Variants in PTPRD observed in about 807,000 individuals in gnomAD.
PTPRD encodes the protein receptor-type tyrosine-protein phosphatase delta.
Under a neutral mutation model 214.5 loss-of-function variants are expected in PTPRD, and 34 were observed. That is an observed-to-expected ratio of 0.16 (90% CI 0.12 to 0.21). The LOEUF (loss-of-function observed/expected upper bound fraction) is 0.21, where lower values mean the gene tolerates loss of function less well. Ranked by LOEUF, PTPRD falls within the 10% of genes least tolerant of loss-of-function variation. The pLI, the probability that PTPRD is intolerant of heterozygous loss-of-function variation, is 1.00. For missense variants in PTPRD, 2,545 were observed against 2,398.7 expected, an observed-to-expected ratio of 1.06 and a Z score of -1.27; for synonymous variants, 1,128 against 845.7, an observed-to-expected ratio of 1.33 and a Z score of -5.79.
intron 3 of PTPRD, among the ~76,000 whole-genome samples, chr9:10,283,170 A>T (rs1183977965): frequency 6.6e-6 from 1 of 151,810 alleles, no homozygotes; most frequent in Non-Finnish European, 1.5e-5. Flanking sequence ...TCAACCAATT[A>T]ATTTATATTT....
intron 3 of PTPRD, among the ~76,000 whole-genome samples, chr9:10,263,933 G>T (rs912244069): frequency 6.6e-6 from 1 of 152,082 alleles, no homozygotes; most frequent in African/African-American, 2.4e-5. Flanking sequence ...CATCTCAAAG[G>T]CTCCATCCAT....
At chr9:8,420,936 T>C (rs2094318226) in intron 35 of PTPRD, among the ~76,000 whole-genome samples, 1 of 152,072 alleles carries the variant, frequency 6.6e-6, no homozygotes, top group Middle Eastern at 3.2e-3. Context: ...ACAGGATCAC[T>C]GTCAGGGAGC....
At chr9:10,186,308 A>G (rs963737347) in intron 3 of PTPRD, among the ~76,000 whole-genome samples, 1 of 152,086 alleles carries the variant, frequency 6.6e-6, no homozygotes, top group Non-Finnish European at 1.5e-5. Context: ...TATATGATCA[A>G]TCTTTTGCTT....
chr9:9,960,871 G>T (rs185047932), intron 4 of PTPRD, among the ~76,000 whole-genome samples: 222 of 152,056 alleles, frequency 1.5e-3, no homozygotes, highest in Non-Finnish European at 2.4e-3. Flanking sequence ...GAGTGAACAG[G>T]CAACCTACAG....
chr9:9,404,959 G>T (rs947298933), intron 8 of PTPRD, among the ~76,000 whole-genome samples: 5 of 151,930 alleles, frequency 3.3e-5, no homozygotes, highest in Admixed American at 2.6e-4. Context: ...AAAATCAACT[G>T]GTTTGTGGTT....
chr9:9,650,786 A>C (rs2096320817), intron 7 of PTPRD, among the ~76,000 whole-genome samples: 1 of 152,176 alleles, frequency 6.6e-6, no homozygotes, highest in Non-Finnish European at 1.5e-5. Flanking sequence ...AAAGTGAAAA[A>C]AAAATCTTCA....
chr9:9,023,132 C>G (rs990799284), intron 10 of PTPRD, among the ~76,000 whole-genome samples: 2 of 152,068 alleles, frequency 1.3e-5, no homozygotes. Context: ...GGATAAAGTG[C>G]ACACAAATGC....
chr9:9,394,704 G>A (rs1426546088), intron 9 of PTPRD, among the ~76,000 whole-genome samples: 1 of 151,990 alleles, frequency 6.6e-6, no homozygotes, highest in Admixed American at 6.6e-5. Context: ...GCATAGAATA[G>A]TATATATACA....
chr9:9,111,252 C>CTTT lies in PTPRD; in HGVS notation c.-143+72049_-143+72051dup, dbSNP rs35720054. ...AAAGTGTTCAAACCAGTGGAAATAC[C>CTTT]TTTTTTTTTTTTTTTTGATAGCTTC... On this transcript the variant is annotated intron_variant, in intron 10 of 45. Transcript: ENST00000381196. Among the ~76,000 whole-genome samples the CTTT allele has an allele frequency of 2.3e-3, 303 of 132,812 alleles. 2 individuals carry two copies. The highest frequency in any genetic ancestry group is 8.0e-3 in the African/African-American group (287 of 35,708). The allele number at this position is 132,812 out of a possible 152,430, so 87.1% of individuals were successfully genotyped here.
chr9:9,367,249 G>A (rs1487083527), intron 9 of PTPRD, among the ~76,000 whole-genome samples: 2 of 151,312 alleles, frequency 1.3e-5, no homozygotes, highest in Non-Finnish European at 3.0e-5. Context: ...TGGGGGAGGT[G>A]GAATTCACTA....
At chr9:10,426,679 A>G (rs1324070117) in intron 2 of PTPRD, among the ~76,000 whole-genome samples, 1 of 152,054 alleles carries the variant, frequency 6.6e-6, no homozygotes, top group African/African-American at 2.4e-5. Flanking sequence ...GTAAGGGCCA[A>G]CTTCTCGGAT....
rs531778872 is a variant in PTPRD, at chr9:9,676,373, G to A, written c.-287+58160C>T. 4.5e-4 allele frequency among the ~76,000 whole-genome samples: 68 copies of A among 149,464 alleles called. No homozygotes were observed. The South Asian group carries it at 8.5e-3, about 19-fold the overall frequency. ...TTCCCACCTATGAGGGAGAACATGC[G>A]GTGTTTGGTTTTTTGTCCTTGTGAT... On this transcript the variant is annotated intron_variant, in intron 7 of 45. Coordinates refer to ENST00000381196, the MANE Select transcript of PTPRD (RefSeq NM_002839.4).
At chr9:9,490,407 C>G (rs1384370692) in intron 8 of PTPRD, among the ~76,000 whole-genome samples, 1 of 152,052 alleles carries the variant, frequency 6.6e-6, no homozygotes, top group African/African-American at 2.4e-5. Context: ...TCGCTTTCCA[C>G]ACAATTTAAT....
intron 11 of PTPRD, among the ~76,000 whole-genome samples, chr9:8,947,042 T>A (rs1046955328): frequency 7.6e-6 from 1 of 132,386 alleles, no homozygotes; most frequent in Non-Finnish European, 1.6e-5. Flanking sequence ...TTTTTTTTTT[T>A]GTGTGTGTGT....
chr9:9,833,691 A>AGGGGG (rs1192574811), intron 5 of PTPRD, among the ~76,000 whole-genome samples: 1 of 125,272 alleles, frequency 8.0e-6, no homozygotes, highest in African/African-American at 2.8e-5. Context: ...AGAGGGGGGC[A>AGGGGG]GTTCAGAGAC....
chr9:10,079,768 T>C (rs995794611), intron 3 of PTPRD, among the ~76,000 whole-genome samples: 3 of 152,168 alleles, frequency 2.0e-5, no homozygotes, highest in Non-Finnish European at 4.4e-5. Context: ...ACCTTTGTGA[T>C]GTATACTCAG....
At chr9:9,665,606 A>G (rs1473091656) in intron 7 of PTPRD, among the ~76,000 whole-genome samples, 2 of 151,822 alleles carry the variant, frequency 1.3e-5, no homozygotes, top group Non-Finnish European at 3.0e-5. Context: ...GAGGATTCAA[A>G]TTTAGGTCTG....
chr9:8,881,415 G>A (rs1192628727), intron 11 of PTPRD, among the ~76,000 whole-genome samples: 13 of 152,076 alleles, frequency 8.5e-5, no homozygotes, highest in Non-Finnish European at 1.3e-4. Context: ...TTCAAGTTAC[G>A]TACATTTTTC....
At chr9:8,940,691 A>G (rs2099028120) in intron 11 of PTPRD, among the ~76,000 whole-genome samples, 1 of 151,940 alleles carries the variant, frequency 6.6e-6, no homozygotes, top group South Asian at 2.1e-4. Context: ...GTAATGGTTG[A>G]CCTGCTGGTT....
Sources: allele counts gnomAD v4.1 joint callset (sites outside exome capture counted in the v4.1 genomes callset), GRCh38; gene constraint gnomAD v4.1.1; transcripts MANE v1.5; gene names NCBI Gene and HGNC (gene_info 2026-07-23, HGNC 2026-07-21).